The following SATB2 variants were observed in gnomAD, a reference collection of about 807,000 sequenced individuals.
The protein encoded by SATB2 is DNA-binding protein SATB2.
A neutral mutation model predicts 73.4 loss-of-function variants in SATB2; 1 was observed. The ratio of observed to expected loss-of-function variants is 0.01; its 90% CI spans 0.00 to 0.06. The LOEUF is 0.06. Ranked by LOEUF, SATB2 falls within the 10% of genes least tolerant of loss-of-function variation. The probability of loss-of-function intolerance (pLI) is 1.00; values close to 1 mark genes in which losing one functional copy is unlikely to be tolerated. For missense variants in SATB2, 459 were observed against 945.8 expected (o/e 0.49, Z 6.75); for synonymous variants, 397 against 367.0 (o/e 1.08, Z -0.93).
In SATB2 at chr2:199,306,881, C is replaced by A. The variant is rs75667912; in HGVS notation, c.1740+1879G>T. Among the ~76,000 whole-genome samples, 190 of 152,338 alleles carry A rather than the reference C, an allele frequency of 1.2e-3. 5 individuals are homozygous for A. The East Asian group carries it at 0.023, about 18-fold the overall frequency. The stretch of plus-strand genomic sequence containing the variant: ...TTTATTACATTTATCTCAAATTTCT[C>A]TAAGTTTCCAACTTTATCACCATCT... On this transcript the variant is annotated intron_variant, in intron 10 of 10. Transcript: ENST00000417098.
intron 5 of SATB2, among the ~76,000 whole-genome samples, chr2:199,376,812 G>A (rs1234078717): frequency 6.6e-6 from 1 of 152,150 alleles, no homozygotes; most frequent in African/African-American, 2.4e-5. Flanking sequence ...CCAGGAGGTT[G>A]AGGCACTTCA....
At chr2:199,283,162 CAA>C (rs1464449312) in intron 10 of SATB2, among the ~76,000 whole-genome samples, 1 of 150,954 alleles carries the variant, frequency 6.6e-6, no homozygotes, top group East Asian at 1.9e-4. Flanking sequence ...CGGCTCACTG[CAA>C]GCTCCGCCTC....
intron 7 of SATB2, among the ~76,000 whole-genome samples, chr2:199,330,521 G>A (rs760660293): frequency 1.6e-4 from 25 of 152,222 alleles, no homozygotes; most frequent in Non-Finnish European, 3.2e-4. Context: ...GGTAGGATGT[G>A]TATGTAAAAA....
chr2:199,405,317 C>A (rs1690598333), intron 3 of SATB2, among the ~76,000 whole-genome samples: 1 of 152,120 alleles, frequency 6.6e-6, no homozygotes, highest in Non-Finnish European at 1.5e-5. Flanking sequence ...AAGCCAATGA[C>A]AAATGGACTT....
At chr2:199,286,601 C>T (rs1692695735) in intron 10 of SATB2, among the ~76,000 whole-genome samples, 1 of 152,160 alleles carries the variant, frequency 6.6e-6, no homozygotes, top group African/African-American at 2.4e-5. Flanking sequence ...GCCCACCCAC[C>T]ACACGCTCAC....
chr2:199,290,654 C>T (rs936513458), intron 10 of SATB2, among the ~76,000 whole-genome samples: 9 of 152,190 alleles, frequency 5.9e-5, no homozygotes, highest in African/African-American at 2.2e-4. Flanking sequence ...AAATACCATA[C>T]TGACTCACAC....
intron 3 of SATB2, among the ~76,000 whole-genome samples, chr2:199,418,749 C>G (rs1691075010): frequency 6.6e-6 from 1 of 152,092 alleles, no homozygotes. Context: ...GCATCTAATA[C>G]AAGTCTTAGT....
At chr2:199,408,109 C>G (rs532783403) in intron 3 of SATB2, among the ~76,000 whole-genome samples, 11 of 152,166 alleles carry the variant, frequency 7.2e-5, no homozygotes, top group Admixed American at 7.2e-4. Context: ...AATTAATAGC[C>G]TGAAAGGTGG....
At chr2:199,418,037 G>A (rs965708905) in intron 3 of SATB2, among the ~76,000 whole-genome samples, 2 of 152,136 alleles carry the variant, frequency 1.3e-5, no homozygotes, top group Non-Finnish European at 2.9e-5. Flanking sequence ...TCTGGCTTCT[G>A]CATTGTAAAG....
intron 10 of SATB2, among the ~76,000 whole-genome samples, chr2:199,305,347 G>T (rs1221975814): frequency 1.3e-5 from 2 of 152,012 alleles, no homozygotes; most frequent in African/African-American, 4.8e-5. Context: ...GGGCCGATAG[G>T]GGGGTAAAAG....
rs1185256499 is a variant in SATB2 at position 199,457,789 on chromosome 2, C to A, written c.-510G>T. The A allele has an allele frequency of 2.6e-5, 4 of 156,754 alleles. No homozygotes were observed. Among genetic ancestry groups the A allele is most frequent in the Non-Finnish European group, 4.2e-5 (3 of 71,060 alleles). The allele number at this position is 156,754 out of a possible 1,614,324, so 9.7% of individuals were successfully genotyped here. A position where few individuals can be genotyped will look rare whatever the true frequency, so the allele number is the denominator to read the frequency against. ...GCAGGGCGGCTAGCTCGCGAGGAGG[C>A]GCGGCCAGAGCGGTGGGACCGGTAA... On this transcript the variant is annotated 5_prime_UTR_variant, in exon 1 of 11. Transcript: ENST00000417098. This position sits in a 1 kb window ranked among gnomAD's most constrained non-coding sequence, Gnocchi z 4.8.
At chr2:199,315,053 A>T (rs926037739) in intron 9 of SATB2, among the ~76,000 whole-genome samples, 1 of 152,072 alleles carries the variant, frequency 6.6e-6, no homozygotes. Flanking sequence ...TGCACACTTC[A>T]TAAGTTCTAC....
chr2:199,422,660 C>T (rs1269528380), intron 3 of SATB2, among the ~76,000 whole-genome samples: 1 of 152,010 alleles, frequency 6.6e-6, no homozygotes, highest in Non-Finnish European at 1.5e-5. Flanking sequence ...TTTCTGAAGC[C>T]AATTTTTGGT....
intron 3 of SATB2, among the ~76,000 whole-genome samples, chr2:199,414,250 C>T (rs1690908503): frequency 6.6e-6 from 1 of 152,208 alleles, no homozygotes; most frequent in South Asian, 2.1e-4. Context: ...TCACCTCCCT[C>T]ATCCATCTAA....
At chr2:199,286,912 T>C (rs1478612698) in intron 10 of SATB2, among the ~76,000 whole-genome samples, 4 of 152,178 alleles carry the variant, frequency 2.6e-5, no homozygotes, top group Admixed American at 2.6e-4. Flanking sequence ...TGCACCAGCA[T>C]ACATGAAAGA....
At chr2:199,448,828 A>C (rs1431151077) in intron 2 of SATB2, among the ~76,000 whole-genome samples, 2 of 152,134 alleles carry the variant, frequency 1.3e-5, no homozygotes, top group Non-Finnish European at 2.9e-5. Context: ...TTACAGTTTA[A>C]TAACCAACTG....
At chr2:199,376,659 A>G (rs962234291) in intron 5 of SATB2, among the ~76,000 whole-genome samples, 8 of 152,168 alleles carry the variant, frequency 5.3e-5, no homozygotes, top group African/African-American at 1.9e-4. Context: ...GGACACAAAG[A>G]TCAATAAGAG....
chr2:199,390,193 C>A (rs1690088998), intron 3 of SATB2, among the ~76,000 whole-genome samples: 1 of 151,862 alleles, frequency 6.6e-6, no homozygotes, highest in South Asian at 2.1e-4. Context: ...AATTCCAGTT[C>A]TTCTGTAAAA....
intron 3 of SATB2, among the ~76,000 whole-genome samples, chr2:199,410,551 CA>C: frequency 6.6e-6 from 1 of 152,304 alleles, no homozygotes; most frequent in East Asian, 1.9e-4. Context: ...AAAAATTGAA[CA>C]AAGAATGCTG....
Sources: gnomAD v4.1 joint callset for allele counts (sites outside exome capture counted in the v4.1 genomes callset) on GRCh38, gnomAD v4.1.1 for gene constraint, Gnocchi (gnomAD v3.1) non-coding constraint, MANE v1.5 for transcripts, NCBI Gene and HGNC (gene_info 2026-07-23, HGNC 2026-07-21) for gene names.